MGRN1: variants seen among roughly 807,000 people sequenced by gnomAD.
MGRN1 encodes the protein mahogunin ring finger 1.
MGRN1 carries 29 observed loss-of-function variants against 69.2 expected under a neutral mutation model. That is an observed-to-expected ratio of 0.42 (90% CI 0.31 to 0.57). The LOEUF (loss-of-function observed/expected upper bound fraction) is 0.57. Among genes scored for constraint, MGRN1 ranks in the 20% least tolerant of loss-of-function variants. The pLI is 0.15. For missense variants in MGRN1, 998 were observed against 796.2 expected, an observed-to-expected ratio of 1.25 and a Z score of -3.05; for synonymous variants, 470 against 344.2, an observed-to-expected ratio of 1.37 and a Z score of -4.04.
chr16:4,656,440 G>A (rs1314280315), intron 4 of MGRN1, among the ~76,000 whole-genome samples: 2 of 152,232 alleles, frequency 1.3e-5, no homozygotes, highest in African/African-American at 2.4e-5. Context: ...AGAGACCCGC[G>A]CTGCATGTGG....
At chr16:4,652,962 T>G (rs868539125) in intron 4 of MGRN1, 138 bp downstream of exon 4, 2 of 1,193,208 alleles carry the variant, frequency 1.7e-6, no homozygotes, top group Middle Eastern at 3.0e-4. Flanking sequence ...TACCACGATG[T>G]GAGGGGTTTC....
intron 9 of MGRN1, 142 bp from the exon 10 acceptor site, chr16:4,673,356 C>T (rs189720087): frequency 1.7e-5 from 19 of 1,139,240 alleles, no homozygotes; most frequent in East Asian, 4.8e-5. Context: ...TCTGGGGCAA[C>T]CTCCCCCTCC....
intron 11 of MGRN1, among the ~76,000 whole-genome samples, chr16:4,678,584 CAG>C (rs1433575706): frequency 6.6e-6 from 1 of 151,786 alleles, no homozygotes; most frequent in Non-Finnish European, 1.5e-5. Flanking sequence ...TGGAGAGACA[CAG>C]GGAGAGACAG....
intron 1 of MGRN1, among the ~76,000 whole-genome samples, chr16:4,627,813 G>T (rs1163270695): frequency 1.3e-5 from 2 of 150,322 alleles, no homozygotes. Context: ...GGGCGCGGTG[G>T]TTCACGCCTG....
chr16:4,674,358 G>A (rs765265240), intron 10 of MGRN1, among the ~76,000 whole-genome samples: 17 of 151,198 alleles, frequency 1.1e-4, no homozygotes, highest in Non-Finnish European at 2.2e-4. Context: ...TTGCAGTCTC[G>A]GCTCACTGCA....
intron 1 of MGRN1, among the ~76,000 whole-genome samples, chr16:4,631,174 T>C (rs1567166756): frequency 6.6e-6 from 1 of 152,176 alleles, no homozygotes; most frequent in Non-Finnish European, 1.5e-5. Flanking sequence ...CCCCCCTTTT[T>C]TGTGGATGGA....
intron 1 of MGRN1, chr16:4,634,750 G>A (rs1898192504): frequency 6.6e-6 from 1 of 152,298 alleles, no homozygotes; most frequent in Non-Finnish European, 1.5e-5. Context: ...AGAGGTTTGA[G>A]GAGTGACTGA....
intron 16 of MGRN1, 91 bp from the exon 17 acceptor site, chr16:4,688,705 C>G (rs1397676303): frequency 1.8e-5 from 27 of 1,471,278 alleles, no homozygotes; most frequent in Non-Finnish European, 3.6e-6. Flanking sequence ...GCTGGATGGC[C>G]CAGCCCCTCT....
chr16:4,643,231 A>G lies in MGRN1; in HGVS notation c.89-7134A>G, dbSNP rs531731706. On this transcript the variant is annotated intron_variant, in intron 1 of 16. Coordinates refer to ENST00000262370, the MANE Select transcript of MGRN1 (RefSeq NM_015246.4). ...CCTCTCGGCCTCCCAGAGCACTGGG[A>G]TTATAGGCACGAGCCACTGAGCCTG... Among the ~76,000 whole-genome samples the G allele has an allele frequency of 3.0e-4, 45 of 151,822 alleles. 1 individual carries two copies. The East Asian group carries it at 8.0e-3, about 27-fold the overall frequency.
chr16:4,671,571 C>T (rs920326411), intron 9 of MGRN1, 112 bp downstream of exon 9: 2 of 921,118 alleles, frequency 2.2e-6, no homozygotes, highest in Non-Finnish European at 3.5e-6. Flanking sequence ...GAGTCCTAGA[C>T]CCGCTAGACA....
intron 8 of MGRN1, among the ~76,000 whole-genome samples, chr16:4,670,642 C>T (rs1411849169): frequency 6.6e-6 from 1 of 152,212 alleles, no homozygotes; most frequent in Non-Finnish European, 1.5e-5. Flanking sequence ...ATTGCTTGAG[C>T]CTGGGGATTC....
chr16:4,674,092 C>T (rs2079001213), intron 10 of MGRN1, among the ~76,000 whole-genome samples: 1 of 152,114 alleles, frequency 6.6e-6, no homozygotes, highest in African/African-American at 2.4e-5. Context: ...TCAAGCAATT[C>T]TCCTGTCTCA....
chr16:4,652,839 C>A lies in MGRN1; in HGVS notation c.443+15C>A. The A allele has an allele frequency of 6.3e-7, 1 of 1,579,462 alleles. No individual in the cohort carries two copies. The highest frequency in any genetic ancestry group is 8.6e-7 in the Non-Finnish European group (1 of 1,160,042). On this transcript the variant is annotated intron_variant, in intron 4 of 16. Transcript: ENST00000262370. Reference sequence around the variant, plus strand: ...GGCAGGGCAGTGTGAGTCCCGCGGGCGGCTGGCACCGGCCTGGCTGGGGGC... The same window carrying A: ...GGCAGGGCAGTGTGAGTCCCGCGGGAGGCTGGCACCGGCCTGGCTGGGGGC...
At chr16:4,674,789 C>G (rs534034199) in intron 10 of MGRN1, among the ~76,000 whole-genome samples, 10 of 147,944 alleles carry the variant, frequency 6.8e-5, no homozygotes, top group Admixed American at 6.1e-4. Flanking sequence ...TACAGGCGCC[C>G]GCCACCGCGC....
At chr16:4,652,584 C>G in intron 3 of MGRN1, 94 bp from the exon 4 acceptor site, 1 of 1,451,974 alleles carries the variant, frequency 6.9e-7, no homozygotes, top group Non-Finnish European at 9.2e-7. Context: ...GTCCACATAG[C>G]CACCTCCACG....
At chr16:4,668,420 C>G (rs2078854727) in intron 8 of MGRN1, 108 bp downstream of exon 8, 2 of 1,035,424 alleles carry the variant, frequency 1.9e-6, no homozygotes, top group African/African-American at 1.6e-5. Context: ...CGCACATATA[C>G]TCATACACGC....
At chr16:4,673,878 C>G (rs932168641) in intron 10 of MGRN1, among the ~76,000 whole-genome samples, 1 of 152,272 alleles carries the variant, frequency 6.6e-6, no homozygotes, top group Non-Finnish European at 1.5e-5. Flanking sequence ...ATCTTCACGT[C>G]TGCCTCCAGC....
intron 1 of MGRN1, among the ~76,000 whole-genome samples, chr16:4,642,912 G>A (rs1479102269): frequency 3.3e-5 from 5 of 151,286 alleles, no homozygotes; most frequent in Admixed American, 6.6e-5. Context: ...TCAGCCTCCC[G>A]AGTACCTTGG....
chr16:4,682,441 C>G (rs1029620377), intron 13 of MGRN1, among the ~76,000 whole-genome samples: 3 of 152,212 alleles, frequency 2.0e-5, no homozygotes, highest in African/African-American at 7.2e-5. Flanking sequence ...GGCGCGGGTT[C>G]TGCAGGCCCG....
Sources: gnomAD v4.1 joint callset for allele counts (sites outside exome capture counted in the v4.1 genomes callset) on GRCh38, gnomAD v4.1.1 for gene constraint, MANE v1.5 for transcripts, NCBI Gene and HGNC (gene_info 2026-07-23, HGNC 2026-07-21) for gene names.